Variants in ZNF407 observed in about 807,000 individuals in gnomAD.
ZNF407 encodes zinc finger protein 407.
In ZNF407, 17 loss-of-function variants were observed where a neutral mutation model predicts 131.2. The observed-to-expected ratio is 0.13, with a 90% CI of 0.09 to 0.19. The LOEUF is 0.19. ZNF407 is among the 10% of genes least tolerant of loss of function. The pLI is 1.00. For synonymous variants in ZNF407, 1,156 were observed against 1,062.0 expected, an observed-to-expected ratio of 1.09 and a Z score of -1.72; for missense variants, 2,681 against 2,830.6, an observed-to-expected ratio of 0.95 and a Z score of 1.20.
intron 8 of ZNF407, among the ~76,000 whole-genome samples, chr18:74,965,967 G>GTCAAAAGAATAGAC (rs1337444028): frequency 6.6e-6 from 1 of 152,192 alleles, no homozygotes; most frequent in Non-Finnish European, 1.5e-5. Context: ...CTTCTTTTGA[G>GTCAAAAGAATAGAC]AAATGTCTAT....
At chr18:74,854,884 G>A (rs1232096207) in intron 4 of ZNF407, among the ~76,000 whole-genome samples, 1 of 152,056 alleles carries the variant, frequency 6.6e-6, no homozygotes, top group Non-Finnish European at 1.5e-5. Context: ...CCACTGTCCA[G>A]ATTTCTGTTT....
chr18:75,004,555 A>C (rs1972885357), intron 8 of ZNF407, among the ~76,000 whole-genome samples: 1 of 152,218 alleles, frequency 6.6e-6, no homozygotes, highest in East Asian at 1.9e-4. Flanking sequence ...CACTCAGCCT[A>C]TCAAGCGAGT....
intron 8 of ZNF407, among the ~76,000 whole-genome samples, chr18:74,976,274 A>G (rs1347083735): frequency 6.6e-6 from 1 of 152,344 alleles, no homozygotes; most frequent in South Asian, 2.1e-4. Flanking sequence ...GTGTTCTGTC[A>G]CATTAAAAGC....
rs144553449 is a variant in ZNF407 at position 74,813,356 on chromosome 18, G to T, written c.4877+31854G>T. On this transcript the variant is annotated intron_variant, in intron 4 of 8. Transcript: ENST00000299687. Reference sequence around the variant, plus strand: ...GCTGAGTGCTTCAGGCTCACACTCTGCGCAGCTTCAGATCCATGGAGGTGA... The same window carrying T: ...GCTGAGTGCTTCAGGCTCACACTCTTCGCAGCTTCAGATCCATGGAGGTGA... Among the ~76,000 whole-genome samples, 57 of 152,248 alleles carry T rather than the reference G, an allele frequency of 3.7e-4. 1 individual carries two copies. The East Asian group carries it at 9.7e-3, about 26-fold the overall frequency.
At position 75,064,193 on chromosome 18, in the gene ZNF407, G is replaced by A. The variant is rs1182818940; in HGVS notation, c.6472G>A (p.Glu2158Lys). ...TEELVQAMVQESSGGFSEGTT... is the reference protein window; with the variant it reads ...TEELVQAMVQKSSGGFSEGTT... Reference sequence around the variant, plus strand: ...GGAGCTGGTCCAGGCCATGGTGCAGGAGTCCAGTGGCGGCTTCTCCGAGGG... The same window carrying A: ...GGAGCTGGTCCAGGCCATGGTGCAGAAGTCCAGTGGCGGCTTCTCCGAGGG... Residue 2158 changes from glutamate (E) to lysine (K), a missense_variant, in exon 9 of 9, where the codon GAG (glutamate) becomes AAG (lysine). By Grantham distance (56) the Glu-to-Lys change is moderately conservative (BLOSUM62 1). Transcript: ENST00000299687. The A allele has an allele frequency of 6.2e-7, 1 of 1,604,664 alleles. No individual in the cohort carries two copies. The highest frequency in any genetic ancestry group is 1.3e-5 in the African/African-American group (1 of 74,796).
chr18:74,962,780 G>T (rs1413459768), intron 8 of ZNF407, among the ~76,000 whole-genome samples: 1 of 152,194 alleles, frequency 6.6e-6, no homozygotes, highest in Non-Finnish European at 1.5e-5. Context: ...CCTCCCTTCA[G>T]CACTTACGTG....
intron 4 of ZNF407, among the ~76,000 whole-genome samples, chr18:74,862,094 A>C (rs985197382): frequency 5.3e-5 from 8 of 152,238 alleles, no homozygotes; most frequent in African/African-American, 1.9e-4. Context: ...ATTTTCTTTA[A>C]AAGTTCTCTA....
intron 4 of ZNF407, among the ~76,000 whole-genome samples, chr18:74,841,753 T>C (rs1970636888): frequency 6.6e-6 from 1 of 152,222 alleles, no homozygotes; most frequent in Admixed American, 6.5e-5. Context: ...GCCATGTGCA[T>C]AGATTTTAGG....
chr18:74,930,106 GC>G (rs1316476214), intron 8 of ZNF407, among the ~76,000 whole-genome samples: 28 of 152,094 alleles, frequency 1.8e-4, no homozygotes, highest in Admixed American at 6.6e-5. Context: ...CCAGAATTCA[GC>G]CCAGGAACCA....
At chr18:74,705,069 A>G (rs112355573) in intron 3 of ZNF407, among the ~76,000 whole-genome samples, 12,660 of 152,194 alleles carry the variant, frequency 0.083, 701 homozygotes, top group African/African-American at 0.16. Flanking sequence ...TGCTCAAGTT[A>G]TGCCTTGCTG....
chr18:74,972,826 A>G (rs1972487478), intron 8 of ZNF407, among the ~76,000 whole-genome samples: 1 of 152,204 alleles, frequency 6.6e-6, no homozygotes, highest in Non-Finnish European at 1.5e-5. Context: ...TCAAGCTACA[A>G]ATATCATTAT....
At chr18:74,676,471 C>T (rs897885461) in intron 3 of ZNF407, among the ~76,000 whole-genome samples, 2 of 141,570 alleles carry the variant, frequency 1.4e-5, no homozygotes, top group African/African-American at 2.5e-5. Flanking sequence ...GAGTCTCGCT[C>T]TGTCACCCAG....
At chr18:74,613,997 C>G (rs573810423) in intron 1 of ZNF407, among the ~76,000 whole-genome samples, 8 of 152,228 alleles carry the variant, frequency 5.3e-5, no homozygotes, top group Non-Finnish European at 8.8e-5. Flanking sequence ...CAGACTTTTT[C>G]TTTGGGAGTG....
chr18:74,639,720 G>A (rs1348950351), intron 2 of ZNF407, among the ~76,000 whole-genome samples: 2 of 152,148 alleles, frequency 1.3e-5, no homozygotes. Flanking sequence ...ATTCAACCTT[G>A]TCTGCCGGTG....
intron 3 of ZNF407, among the ~76,000 whole-genome samples, chr18:74,666,564 G>T (rs1985938525): frequency 1.3e-5 from 2 of 152,170 alleles, no homozygotes; most frequent in South Asian, 4.1e-4. Flanking sequence ...CTATCCTTCA[G>T]TGAGTTCAGA....
intron 8 of ZNF407, among the ~76,000 whole-genome samples, chr18:75,050,631 C>T (rs1379095074): frequency 6.6e-6 from 1 of 152,212 alleles, no homozygotes; most frequent in African/African-American, 2.4e-5. Flanking sequence ...TCTTTTATTA[C>T]AAGGAGTAAG....
chr18:74,810,564 G>C (rs1338746713), intron 4 of ZNF407, among the ~76,000 whole-genome samples: 1 of 152,162 alleles, frequency 6.6e-6, no homozygotes, highest in Non-Finnish European at 1.5e-5. Context: ...GATCAGGCAT[G>C]ATAACACTTT....
At chr18:75,028,205 C>A (rs1973193931) in intron 8 of ZNF407, among the ~76,000 whole-genome samples, 1 of 152,226 alleles carries the variant, frequency 6.6e-6, no homozygotes, top group African/African-American at 2.4e-5. Context: ...AACAAAGCAC[C>A]ATGGGCTGGG....
intron 3 of ZNF407, among the ~76,000 whole-genome samples, chr18:74,687,214 G>C (rs1967115851): frequency 6.6e-6 from 1 of 152,124 alleles, no homozygotes; most frequent in Admixed American, 6.6e-5. Flanking sequence ...CAGGCTTTAT[G>C]GTGTATACTT....
Sources: allele counts gnomAD v4.1 joint callset (sites outside exome capture counted in the v4.1 genomes callset), GRCh38; gene constraint gnomAD v4.1.1; transcripts MANE v1.5; gene names NCBI Gene and HGNC (gene_info 2026-07-23, HGNC 2026-07-21).